Variants in HGF observed in about 807,000 individuals in gnomAD.
The protein encoded by HGF is fibroblast-derived tumor cytotoxic factor.
HGF carries 39 observed loss-of-function variants against 111.6 expected under a neutral mutation model. The ratio of observed to expected loss-of-function variants is 0.35; its 90% confidence interval spans 0.27 to 0.46. The LOEUF is 0.46. Among genes scored for constraint, HGF ranks in the 20% least tolerant of loss-of-function variants. The pLI is 1.00. For missense variants in HGF, 735 were observed against 910.5 expected, an observed-to-expected ratio of 0.81 and a Z score of 2.48; for synonymous variants, 285 against 294.8, an observed-to-expected ratio of 0.97 and a Z score of 0.34.
intron 9 of HGF, among the ~76,000 whole-genome samples, chr7:81,722,278 C>G (rs2115879976): frequency 6.6e-6 from 1 of 151,770 alleles, no homozygotes; most frequent in East Asian, 2.0e-4. Context: ...GTTCTCCTGC[C>G]TTAGCCTCCT....
At chr7:81,736,728 C>A in intron 7 of HGF, 1 of 477,396 alleles carries the variant, frequency 2.1e-6, no homozygotes, top group Non-Finnish European at 4.2e-6. Context: ...GGAAGAAAAT[C>A]ATTGTGGCTG....
At chr7:81,717,732 A>T (rs1387468711) in intron 10 of HGF, among the ~76,000 whole-genome samples, 2 of 152,142 alleles carry the variant, frequency 1.3e-5, no homozygotes, top group Admixed American at 1.3e-4. Flanking sequence ...TAAAATACAT[A>T]AAAAATACAA....
chr7:81,733,566 G>A (rs1787734272), intron 7 of HGF, among the ~76,000 whole-genome samples: 1 of 152,020 alleles, frequency 6.6e-6, no homozygotes. Flanking sequence ...TGAAATCAGT[G>A]CATTGTATTT....
At chr7:81,721,778 C>T (rs1002720251) in intron 9 of HGF, among the ~76,000 whole-genome samples, 3 of 152,188 alleles carry the variant, frequency 2.0e-5, no homozygotes, top group African/African-American at 7.2e-5. Flanking sequence ...TGTTTGATCA[C>T]TTGGTTAAGT....
chr7:81,762,946 C>T, intron 1 of HGF, 74 bp from the exon 2 acceptor site: 1 of 887,810 alleles, frequency 1.1e-6, no homozygotes, highest in Non-Finnish European at 1.8e-6. Flanking sequence ...AAAAAAAATC[C>T]TAAGGATCAT....
At position 81,705,435 on chromosome 7, in the gene HGF, A is replaced by G. The variant is rs766007676; in HGVS notation, c.1965T>C (p.Ser655=). The G allele has an allele frequency of 3.8e-5, 61 of 1,612,782 alleles. No homozygotes were observed. Among genetic ancestry groups the G allele is most frequent in the Non-Finnish European group, 5.1e-5 (60 of 1,179,176 alleles). Residue 655 remains serine, a synonymous_variant, in exon 17 of 18, where the codon TCT becomes TCC. Coordinates refer to ENST00000222390, the MANE Select transcript of HGF (RefSeq NM_000601.6). ...HHRGKVTLNE[S]EICAGAEKIG... is the part of the protein sequence containing the mutation. ...TCTTTTCAGCCCCAGCACATATTTCAGACTCATTCAGAGTCACCTTCCCTC... is the reference window on the plus strand; with the variant it reads ...TCTTTTCAGCCCCAGCACATATTTCGGACTCATTCAGAGTCACCTTCCCTC...
At chr7:81,708,261 G>C (rs1187449915) in intron 13 of HGF, among the ~76,000 whole-genome samples, 1 of 151,970 alleles carries the variant, frequency 6.6e-6, no homozygotes, top group East Asian at 1.9e-4. Flanking sequence ...GAATAACTAA[G>C]CAGCTGTTGT....
chr7:81,705,852 G>T, intron 15 of HGF, 99 bp from the exon 16 acceptor site: 5 of 654,394 alleles, frequency 7.6e-6, no homozygotes, highest in East Asian at 3.0e-5. Context: ...CATTTACAGA[G>T]AATGAAGTCC....
intron 9 of HGF, among the ~76,000 whole-genome samples, chr7:81,724,418 T>G (rs1789952673): frequency 2.0e-5 from 3 of 152,144 alleles, no homozygotes; most frequent in Admixed American, 1.3e-4. Context: ...AAGGATGATT[T>G]AGGGCTAACC....
At chr7:81,708,969 G>A (rs1789502062) in intron 13 of HGF, among the ~76,000 whole-genome samples, 1 of 151,966 alleles carries the variant, frequency 6.6e-6, no homozygotes, top group Admixed American at 6.6e-5. Flanking sequence ...AAGAACTTTA[G>A]GCCATCTCCT....
intron 7 of HGF, among the ~76,000 whole-genome samples, chr7:81,733,005 ATTG>A (rs1441807224): frequency 1.2e-4 from 19 of 152,176 alleles, no homozygotes; most frequent in African/African-American, 4.3e-4. Context: ...ACAAGATTTA[ATTG>A]AAGAATCTTT....
intron 11 of HGF, among the ~76,000 whole-genome samples, chr7:81,712,251 T>C (rs1347719071): frequency 6.6e-6 from 1 of 152,226 alleles, no homozygotes; most frequent in Non-Finnish European, 1.5e-5. Context: ...TTCATATTGA[T>C]AGGCCATTTG....
intron 4 of HGF, chr7:81,756,084 A>G (rs1281982123): frequency 2.9e-6 from 2 of 701,204 alleles, no homozygotes; most frequent in East Asian, 2.7e-5. Flanking sequence ...AAATCACAGC[A>G]TGGGTTCTAC....
At chr7:81,757,143 G>T in intron 4 of HGF, 46 bp downstream of exon 4, 1 of 964,404 alleles carries the variant, frequency 1.0e-6, no homozygotes, top group Non-Finnish European at 1.7e-6. Context: ...CTGTTAACAT[G>T]TAAAAAAGAC....
chr7:81,749,594 T>C (rs1292866625), intron 5 of HGF, among the ~76,000 whole-genome samples: 1 of 152,090 alleles, frequency 6.6e-6, no homozygotes, highest in East Asian at 1.9e-4. Flanking sequence ...ATTTAACATC[T>C]AGTCTCTTAG....
In HGF at chr7:81,700,719, G is replaced by C. The variant is rs1243811781; in HGVS notation, c.*1862C>G. ...TATAAGGAAAATAGAAATACCATCA[G>C]ATAAGATGATAGAGACCAGCAACTA... On this transcript the variant is annotated 3_prime_UTR_variant, in exon 18 of 18. Coordinates refer to ENST00000222390, the MANE Select transcript of HGF (RefSeq NM_000601.6). The C allele has an allele frequency of 6.6e-6, 1 of 151,510 alleles. No homozygotes were observed. The highest frequency in any genetic ancestry group is 2.4e-5 in the African/African-American group (1 of 41,374). 9.4% of individuals were successfully genotyped at this position (151,510 alleles called of 1,614,324 possible).
At chr7:81,739,285 T>C (rs1294460811) in intron 7 of HGF, among the ~76,000 whole-genome samples, 1 of 152,182 alleles carries the variant, frequency 6.6e-6, no homozygotes, top group African/African-American at 2.4e-5. Flanking sequence ...CACTCTTTAT[T>C]TCTTACTGGC....
intron 17 of HGF, 149 bp from the exon 18 acceptor site, chr7:81,702,906 T>C (rs1789321413): frequency 2.9e-6 from 2 of 699,524 alleles, no homozygotes; most frequent in Non-Finnish European, 4.9e-6. Flanking sequence ...ATTAGTGTAC[T>C]AGACATTTGT....
At position 81,711,465 on chromosome 7, in the gene HGF, G is replaced by A. The variant is rs1343630861; in HGVS notation, c.1444+16C>T. On this transcript the variant is annotated intron_variant, in intron 12 of 17. Transcript: ENST00000222390. Reference sequence around the variant, plus strand: ...AGAGACTCAGAATATACTTTATATTGTGAAATATTACTTACGGTCTAAATT... The same window carrying A: ...AGAGACTCAGAATATACTTTATATTATGAAATATTACTTACGGTCTAAATT... 1 of 1,418,628 alleles carries A rather than the reference G, an allele frequency of 7.0e-7. No individual in the cohort carries two copies. The highest frequency in any genetic ancestry group is 9.8e-7 in the Non-Finnish European group (1 of 1,016,818). The allele number at this position is 1,418,628 out of a possible 1,614,324, so 87.9% of individuals were successfully genotyped here.
Sources: allele counts gnomAD v4.1 joint callset (sites outside exome capture counted in the v4.1 genomes callset), GRCh38; gene constraint gnomAD v4.1.1; transcripts MANE v1.5; gene names NCBI Gene and HGNC (gene_info 2026-07-23, HGNC 2026-07-21).